TG: variants seen among roughly 807,000 people sequenced by gnomAD.
TG encodes the protein thyroid hormones.
A neutral mutation model predicts 324.7 loss-of-function variants in TG; 270 were observed. The observed-to-expected ratio is 0.83, with a 90% CI of 0.75 to 0.92. TG has a LOEUF of 0.92. Among genes scored for constraint, TG ranks in the 40% least tolerant of loss-of-function variants. TG has a pLI of 0.00. For missense variants in TG, 3,591 were observed against 3,456.4 expected (o/e 1.04, Z -0.98); for synonymous variants, 1,401 against 1,327.0 (o/e 1.06, Z -1.21).
intron 35 of TG, chr8:133,002,979 G>T: frequency 9.8e-7 from 1 of 1,018,834 alleles, no homozygotes; most frequent in Admixed American, 4.9e-5. Context: ...CTTTCTTACA[G>T]ATTCACATGT....
intron 34 of TG, among the ~76,000 whole-genome samples, chr8:132,973,613 C>T (rs915229520): frequency 3.3e-5 from 5 of 152,158 alleles, no homozygotes; most frequent in African/African-American, 7.2e-5. Context: ...GTGAAAACAG[C>T]GAATGAGACT....
At chr8:133,019,264 T>C (rs1351300895) in intron 38 of TG, among the ~76,000 whole-genome samples, 1 of 152,234 alleles carries the variant, frequency 6.6e-6, no homozygotes, top group African/African-American at 2.4e-5. Flanking sequence ...GAGGAGAGTC[T>C]GCACTCTTGG....
intron 29 of TG, 100 bp from the exon 30 acceptor site, chr8:132,966,460 C>G: frequency 8.9e-7 from 1 of 1,117,998 alleles, no homozygotes; most frequent in Non-Finnish European, 1.3e-6. Context: ...CTCTCTGTCT[C>G]TCTCTCTGTG....
At chr8:133,069,447 C>G (rs145570852) in intron 41 of TG, among the ~76,000 whole-genome samples, 1 of 152,310 alleles carries the variant, frequency 6.6e-6, no homozygotes, top group Non-Finnish European at 1.5e-5. Context: ...GGGGCTTGGT[C>G]TCTCTAAAGA....
rs1379984936 is a variant in TG, at chr8:132,908,751, A to AG, written c.4002+415dup. Among the ~76,000 whole-genome samples, 3 of 152,096 alleles carry AG rather than the reference A, an allele frequency of 2.0e-5. No individual in the cohort carries two copies. In the East Asian group the frequency reaches 5.8e-4, roughly 29 times the overall value. On this transcript the variant is annotated intron_variant, in intron 18 of 47. Coordinates refer to ENST00000220616, the MANE Select transcript of TG (RefSeq NM_003235.5). Reference sequence around the variant, plus strand: ...CTGTCAGGTAAAGGTAAGAGCTAAGAGGGGAAATAAAGCAGGTCGGGCCTT... The same window carrying AG: ...CTGTCAGGTAAAGGTAAGAGCTAAGAGGGGGAAATAAAGCAGGTCGGGCCTT...
At chr8:132,913,492 T>C (rs1406281953) in intron 20 of TG, among the ~76,000 whole-genome samples, 1 of 152,210 alleles carries the variant, frequency 6.6e-6, no homozygotes, top group Admixed American at 6.5e-5. Context: ...TTTCTGTTGG[T>C]TATTGATAAG....
chr8:132,870,228 A>G (rs1839356678), intron 3 of TG, among the ~76,000 whole-genome samples: 1 of 151,864 alleles, frequency 6.6e-6, no homozygotes, highest in African/African-American at 2.4e-5. Flanking sequence ...AATCAAAGAA[A>G]CACAGTCCCT....
chr8:132,891,264 A>G (rs1240603997), intron 10 of TG, among the ~76,000 whole-genome samples: 3 of 152,102 alleles, frequency 2.0e-5, no homozygotes, highest in Non-Finnish European at 4.4e-5. Flanking sequence ...GAGGTGGAGG[A>G]AAGGTTATAG....
chr8:133,007,771 CT>C (rs75045660), intron 35 of TG, among the ~76,000 whole-genome samples: 9,352 of 128,710 alleles, frequency 0.073, 292 homozygotes, highest in Non-Finnish European at 0.082. Flanking sequence ...TAATTTAGTT[CT>C]TTTTTTTTTT....
At chr8:133,124,360 G>T (rs901757293) in intron 45 of TG, among the ~76,000 whole-genome samples, 2 of 152,206 alleles carry the variant, frequency 1.3e-5, no homozygotes, top group Non-Finnish European at 2.9e-5. Context: ...ATGGAAGAGT[G>T]GGGGCTGGGG....
chr8:133,050,216 G>A, intron 41 of TG: 1 of 547,414 alleles, frequency 1.8e-6, no homozygotes, highest in Non-Finnish European at 3.3e-6. Context: ...ACCCTCCCAT[G>A]TGCTAGAAAT....
chr8:132,902,388 G>A (rs1227946607), intron 16 of TG, among the ~76,000 whole-genome samples: 7 of 152,088 alleles, frequency 4.6e-5, no homozygotes, highest in African/African-American at 1.7e-4. Context: ...GTAAAGAGAT[G>A]GGAGGAGCCT....
intron 27 of TG, among the ~76,000 whole-genome samples, chr8:132,958,273 T>C (rs987894091): frequency 3.9e-5 from 6 of 152,210 alleles, no homozygotes; most frequent in Non-Finnish European, 8.8e-5. Flanking sequence ...TCACTTTACA[T>C]CTGTATTACC....
At chr8:133,126,268 T>A (rs909637634) in intron 45 of TG, among the ~76,000 whole-genome samples, 2 of 152,150 alleles carry the variant, frequency 1.3e-5, no homozygotes, top group Non-Finnish European at 2.9e-5. Context: ...CTGGGATCCA[T>A]GAAAATGGAG....
chr8:132,901,096 CGTACTT>C (rs1417370911), intron 15 of TG, among the ~76,000 whole-genome samples: 1 of 152,240 alleles, frequency 6.6e-6, no homozygotes, highest in Non-Finnish European at 1.5e-5. Context: ...TACCTGCTCA[CGTACTT>C]GTTAACTCTC....
intron 41 of TG, among the ~76,000 whole-genome samples, chr8:133,039,000 C>G (rs1340440282): frequency 6.6e-6 from 1 of 152,158 alleles, no homozygotes; most frequent in Non-Finnish European, 1.5e-5. Context: ...TCCTTAGCCT[C>G]CTGAGTAGCT....
chr8:132,951,388 T>G (rs1346330144), intron 27 of TG, among the ~76,000 whole-genome samples: 1 of 152,200 alleles, frequency 6.6e-6, no homozygotes. Flanking sequence ...ATTTATATGA[T>G]GAGTAGTAAA....
At chr8:132,961,761 G>T (rs999990916) in intron 28 of TG, among the ~76,000 whole-genome samples, 1 of 69,108 alleles carries the variant, frequency 1.4e-5, no homozygotes, top group East Asian at 6.1e-4. Context: ...TGGGTGAGAG[G>T]CATGAGAAAA....
At chr8:132,957,619 C>T (rs1166853758) in intron 27 of TG, among the ~76,000 whole-genome samples, 1 of 151,996 alleles carries the variant, frequency 6.6e-6, no homozygotes, top group Non-Finnish European at 1.5e-5. Flanking sequence ...GAGGTAAAGA[C>T]CTTCCTCTTG....
Sources: allele counts gnomAD v4.1 joint callset (sites outside exome capture counted in the v4.1 genomes callset), GRCh38; gene constraint gnomAD v4.1.1; transcripts MANE v1.5; gene names NCBI Gene and HGNC (gene_info 2026-07-23, HGNC 2026-07-21).